Variants in TEF observed in about 807,000 individuals in gnomAD.
TEF encodes thyrotroph embryonic factor.
A neutral mutation model predicts 20.8 loss-of-function variants in TEF; 3 were observed. The ratio of observed to expected loss-of-function variants is 0.14; its 90% CI spans 0.07 to 0.37. TEF has a LOEUF of 0.37. Ranked by LOEUF, TEF falls within the 10% of genes least tolerant of loss-of-function variation. TEF has a pLI of 1.00. For synonymous variants in TEF, 180 were observed against 171.1 expected (o/e 1.05, Z -0.41); for missense variants, 296 against 397.9 (o/e 0.74, Z 2.18).
chr22:41,382,346 A>T, intron 1 of TEF, 145 bp downstream of exon 1: 2 of 624,792 alleles, frequency 3.2e-6, no homozygotes, highest in Non-Finnish European at 4.3e-6. Context: ...AGGAGCCTGG[A>T]GGACGAGGCC....
chr22:41,383,952 CTTTCTTACTTCTCAGTTGGT>C (rs1180670642), intron 1 of TEF, among the ~76,000 whole-genome samples: 1 of 152,238 alleles, frequency 6.6e-6, no homozygotes, highest in Non-Finnish European at 1.5e-5. Context: ...CAAGGCTTGA[CTTTCTTACTTCTCAGTTGGT>C]TTTAAACCAA....
rs2037255574 is a variant in TEF, at chr22:41,398,360, T to C, written c.*2400T>C. On this transcript the variant is annotated 3_prime_UTR_variant, in exon 4 of 4. Transcript: ENST00000266304. Reference sequence around the variant, plus strand: ...CGCTGGAGACTGCGGCTCCTGTGCTTGGATCTTTGACATCTGTCAGTCACT... The same window carrying C: ...CGCTGGAGACTGCGGCTCCTGTGCTCGGATCTTTGACATCTGTCAGTCACT... The C allele has an allele frequency of 6.5e-6, 1 of 153,748 alleles. No homozygotes were observed. The highest frequency in any genetic ancestry group is 2.4e-5 in the African/African-American group (1 of 41,432). 9.5% of individuals were successfully genotyped at this position (153,748 alleles called of 1,614,324 possible).
intron 1 of TEF, among the ~76,000 whole-genome samples, chr22:41,371,441 A>T (rs2036881972): frequency 6.6e-6 from 1 of 152,180 alleles, no homozygotes. Flanking sequence ...GGGGCTTATG[A>T]TCAGAGTCAG....
chr22:41,386,429 A>G (rs1487327322), intron 1 of TEF, among the ~76,000 whole-genome samples: 2 of 149,598 alleles, frequency 1.3e-5, no homozygotes, highest in African/African-American at 5.0e-5. Flanking sequence ...CAACAGAGCG[A>G]AGCTCCATCT....
chr22:41,381,205 T>C (rs2037013579), upstream of TEF, among the ~76,000 whole-genome samples: 1 of 152,178 alleles, frequency 6.6e-6, no homozygotes, highest in Non-Finnish European at 1.5e-5. Flanking sequence ...TCAGGCGACC[T>C]CTGGGTCGCG....
intron 1 of TEF, among the ~76,000 whole-genome samples, chr22:41,382,745 C>G (rs1372232451): frequency 2.0e-5 from 3 of 150,712 alleles, no homozygotes; most frequent in Admixed American, 1.3e-4. Context: ...CTAGGTCCAA[C>G]GGGAGCCTTT....
chr22:41,370,140 G>C (rs972303897), intron 1 of TEF: 2 of 970,370 alleles, frequency 2.1e-6, no homozygotes, highest in African/African-American at 3.6e-5. Flanking sequence ...TTTGAGATAA[G>C]AGTCTTGCTC....
upstream of TEF, among the ~76,000 whole-genome samples, chr22:41,377,915 G>A (rs1217816813): frequency 6.6e-6 from 1 of 152,066 alleles, no homozygotes; most frequent in East Asian, 1.9e-4. Context: ...GGCATTATTC[G>A]TTTTGGATAA....
At chr22:41,373,516 C>A (rs2036906407) in intron 1 of TEF, among the ~76,000 whole-genome samples, 1 of 152,048 alleles carries the variant, frequency 6.6e-6, no homozygotes, top group Non-Finnish European at 1.5e-5. Context: ...GTCGCCCAGG[C>A]TGGAGTGTGG....
intron 2 of TEF, among the ~76,000 whole-genome samples, chr22:41,392,670 CAAAAAAAAAA>C (rs920294546): frequency 7.6e-5 from 3 of 39,328 alleles, no homozygotes; most frequent in Non-Finnish European, 1.4e-4. Context: ...TGAGACTCTT[CAAAAAAAAAA>C]AAAAAAAAAA....
chr22:41,394,342 A>T (rs1279301070), intron 3 of TEF, 26 bp downstream of exon 3: 1 of 1,604,892 alleles, frequency 6.2e-7, no homozygotes. Flanking sequence ...TTATAAATAA[A>T]GATGCAGCGT....
chr22:41,370,100 CTTTT>C (rs2036864343), intron 1 of TEF: 5 of 984,148 alleles, frequency 5.1e-6, no homozygotes, highest in Non-Finnish European at 6.0e-6. Flanking sequence ...ACTCCACTTT[CTTTT>C]ATTTTCTCTT....
chr22:41,371,574 T>A (rs909202249), intron 1 of TEF, among the ~76,000 whole-genome samples: 1 of 152,232 alleles, frequency 6.6e-6, no homozygotes, highest in African/African-American at 2.4e-5. Context: ...TTAAGTGAGT[T>A]ATCCCATGTG....
chr22:41,381,898 C>T, upstream of TEF: 1 of 1,225,998 alleles, frequency 8.2e-7, no homozygotes, highest in Non-Finnish European at 1.0e-6. Context: ...GGTCCGCAGG[C>T]GGGGTAGCGA....
chr22:41,396,144 G>C lies in TEF; in HGVS notation c.*184G>C. 1.6e-6 allele frequency: 1 copy of C among 619,670 alleles called. No homozygotes were observed. The highest frequency in any genetic ancestry group is 1.8e-5 in the African/African-American group (1 of 54,358). 38.4% of individuals were successfully genotyped at this position (619,670 alleles called of 1,614,324 possible). On this transcript the variant is annotated 3_prime_UTR_variant, in exon 4 of 4. Coordinates refer to ENST00000266304, the MANE Select transcript of TEF (RefSeq NM_003216.4). ...GGCCTGCGCACGTGGCGACGTCCCTGAGGGGCCAGTCTCCTCACTGGTGGG... is the reference window on the plus strand; with the variant it reads ...GGCCTGCGCACGTGGCGACGTCCCTCAGGGGCCAGTCTCCTCACTGGTGGG...
chr22:41,394,406 C>G, intron 3 of TEF, 90 bp downstream of exon 3: 1 of 1,243,578 alleles, frequency 8.0e-7, no homozygotes, highest in Non-Finnish European at 1.1e-6. Flanking sequence ...ATCTGGAGAG[C>G]CTTCCCTCCT....
chr22:41,367,589 G>A (rs759009337), exon 1 of TEF: 29 of 1,551,218 alleles, frequency 1.9e-5, no homozygotes, highest in Non-Finnish European at 2.4e-5. Context: ...CTTGGCCAGA[G>A]AAGAGAACAG....
At chr22:41,369,913 T>C in intron 1 of TEF, 1 of 985,418 alleles carries the variant, frequency 1.0e-6, no homozygotes, top group Non-Finnish European at 1.2e-6. Context: ...GATGACTGTT[T>C]ACAAACTCCC....
chr22:41,382,954 G>A (rs1299364821), intron 1 of TEF: 1 of 471,064 alleles, frequency 2.1e-6, no homozygotes, highest in Non-Finnish European at 4.4e-6. Context: ...TTTTGCCTAG[G>A]CCAGGAACGT....
Sources: allele counts gnomAD v4.1 joint callset (sites outside exome capture counted in the v4.1 genomes callset), GRCh38; gene constraint gnomAD v4.1.1; transcripts MANE v1.5; gene names NCBI Gene and HGNC (gene_info 2026-07-23, HGNC 2026-07-21).